The following BMAL1 variants were observed in gnomAD, a reference collection of about 807,000 sequenced individuals.
BMAL1 encodes basic helix-loop-helix ARNT like 1.
chr11:13,385,598 C>G, the BMAL1 span: 1 of 867,456 alleles, frequency 1.2e-6, no homozygotes, highest in Non-Finnish European at 1.9e-6. Flanking sequence ...CCATTTGAAG[C>G]TTCTCCCCAC....
chr11:13,369,984 CCT>C, the BMAL1 span, among the ~76,000 whole-genome samples: 1 of 152,110 alleles, frequency 6.6e-6, no homozygotes, highest in Non-Finnish European at 1.5e-5. Context: ...GGAGAGGCCT[CCT>C]CTGTTTAAAT....
At chr11:13,355,040 C>T in the BMAL1 span, 3 of 445,304 alleles carry the variant, frequency 6.7e-6, no homozygotes, top group South Asian at 5.4e-5. Flanking sequence ...TACAGTCATC[C>T]CTTCTATATA....
At chr11:13,369,397 A>G in the BMAL1 span, among the ~76,000 whole-genome samples, 2 of 152,194 alleles carry the variant, frequency 1.3e-5, no homozygotes, top group African/African-American at 4.8e-5. Context: ...TACCTAATCC[A>G]TTTATTTAGT....
At chr11:13,320,936 A>T in the BMAL1 span, among the ~76,000 whole-genome samples, 5 of 152,252 alleles carry the variant, frequency 3.3e-5, no homozygotes, top group Non-Finnish European at 4.4e-5. Flanking sequence ...CAGGAGTTCG[A>T]CAGAGAAGAT....
the BMAL1 span, among the ~76,000 whole-genome samples, chr11:13,313,614 GTTC>G: frequency 3.9e-5 from 6 of 152,052 alleles, no homozygotes; most frequent in Non-Finnish European, 5.9e-5. Flanking sequence ...TGTCAACTCA[GTTC>G]TTCTCTGTCT....
chr11:13,385,610 C>A, the BMAL1 span: 2 of 1,019,084 alleles, frequency 2.0e-6, no homozygotes, highest in East Asian at 2.5e-5. Flanking sequence ...TCTCCCCACC[C>A]CACCCCATGC....
At chr11:13,340,925 C>T in the BMAL1 span, among the ~76,000 whole-genome samples, 6 of 152,176 alleles carry the variant, frequency 3.9e-5, no homozygotes, top group Admixed American at 3.9e-4. Flanking sequence ...GGGAATCCAC[C>T]CCTTTCACAG....
the BMAL1 span, among the ~76,000 whole-genome samples, chr11:13,281,563 G>A: frequency 2.0e-5 from 3 of 152,032 alleles, no homozygotes; most frequent in Non-Finnish European, 4.4e-5. Context: ...TTGCCTGGTT[G>A]GAGTGCAGTG....
chr11:13,367,333 G>A, the BMAL1 span, among the ~76,000 whole-genome samples: 2 of 152,170 alleles, frequency 1.3e-5, no homozygotes, highest in African/African-American at 4.8e-5. Context: ...ACACACTTCT[G>A]TGCAAGGCCC....
chr11:13,377,467 A>G, the BMAL1 span, among the ~76,000 whole-genome samples: 1 of 152,140 alleles, frequency 6.6e-6, no homozygotes, highest in African/African-American at 2.4e-5. Flanking sequence ...CGTCACCACT[A>G]TTGCTATTTC....
chr11:13,290,559 A>ATATCATTAT, the BMAL1 span, among the ~76,000 whole-genome samples: 1 of 149,056 alleles, frequency 6.7e-6, no homozygotes, highest in Non-Finnish European at 1.5e-5. Flanking sequence ...ACAAGTGTAT[A>ATATCATTAT]TATTATTATT....
the BMAL1 span, among the ~76,000 whole-genome samples, chr11:13,339,326 A>G: frequency 6.6e-6 from 1 of 152,110 alleles, no homozygotes. Context: ...TCTAGAATCC[A>G]GCTGCTTCTC....
the BMAL1 span, among the ~76,000 whole-genome samples, chr11:13,361,196 C>G: frequency 6.6e-6 from 1 of 152,100 alleles, no homozygotes; most frequent in Non-Finnish European, 1.5e-5. Context: ...TGAGTGCTCT[C>G]TCTGTCTTGC....
chr11:13,367,292 G>A, the BMAL1 span, among the ~76,000 whole-genome samples: 1 of 152,100 alleles, frequency 6.6e-6, no homozygotes, highest in Non-Finnish European at 1.5e-5. Flanking sequence ...CATCCACATC[G>A]CTCCCTCTGC....
chr11:13,319,438 C>G, the BMAL1 span, among the ~76,000 whole-genome samples: 1 of 152,178 alleles, frequency 6.6e-6, no homozygotes, highest in Non-Finnish European at 1.5e-5. Flanking sequence ...TCCAAAAAGG[C>G]TGTACCAATT....
the BMAL1 span, among the ~76,000 whole-genome samples, chr11:13,374,890 G>T: frequency 6.6e-6 from 1 of 152,212 alleles, no homozygotes; most frequent in South Asian, 2.1e-4. Flanking sequence ...CCACCTTCTG[G>T]CCCCAGCCCA....
chr11:13,326,966 C>T, the BMAL1 span, among the ~76,000 whole-genome samples: 2 of 151,904 alleles, frequency 1.3e-5, no homozygotes, highest in African/African-American at 4.8e-5. Flanking sequence ...ACTACAGGCG[C>T]CCGCCACCAC....
At chr11:13,375,684 T>C in the BMAL1 span, 1 of 1,605,814 alleles carries the variant, frequency 6.2e-7, no homozygotes, top group Non-Finnish European at 8.5e-7. Context: ...TTTATCACAC[T>C]ACGGAGTCGA....
At chr11:13,385,872 T>A in the BMAL1 span, 1 of 1,061,638 alleles carries the variant, frequency 9.4e-7, no homozygotes, top group South Asian at 1.3e-5. Context: ...AACTGAACTG[T>A]GTGAAACAAG....
Sources: gnomAD v4.1 joint callset for allele counts (sites outside exome capture counted in the v4.1 genomes callset) on GRCh38, gnomAD v4.1.1 for gene constraint, MANE v1.5 for transcripts, NCBI Gene and HGNC (gene_info 2026-07-23, HGNC 2026-07-21) for gene names.